The following PRKAG2 variants were observed in gnomAD, a reference collection of about 807,000 sequenced individuals.
The protein encoded by PRKAG2 is 5'-AMP-activated protein kinase subunit gamma-2.
A neutral mutation model predicts 69.6 loss-of-function variants in PRKAG2; 26 were observed. That is an observed-to-expected ratio of 0.37 (90% CI 0.27 to 0.52). The LOEUF (loss-of-function observed/expected upper bound fraction) is 0.52. Ranked by LOEUF, PRKAG2 falls within the 20% of genes least tolerant of loss-of-function variation. The probability of loss-of-function intolerance (pLI) is 0.90; values close to 1 mark genes in which losing one functional copy is unlikely to be tolerated. For synonymous variants in PRKAG2, 293 were observed against 285.0 expected, an observed-to-expected ratio of 1.03 and a Z score of -0.28; for missense variants, 557 against 740.0, an observed-to-expected ratio of 0.75 and a Z score of 2.87.
intron 5 of PRKAG2, among the ~76,000 whole-genome samples, chr7:151,598,119 T>C (rs1352494462): frequency 6.6e-6 from 1 of 152,158 alleles, no homozygotes; most frequent in East Asian, 1.9e-4. Context: ...TGGAGTACTA[T>C]TCAACCATAA....
At chr7:151,579,410 A>T (rs1769509851) in intron 6 of PRKAG2, among the ~76,000 whole-genome samples, 1 of 152,248 alleles carries the variant, frequency 6.6e-6, no homozygotes, top group South Asian at 2.1e-4. Flanking sequence ...AACATTCATG[A>T]GGATCATTCA....
At chr7:151,859,530 G>T (rs1392517308) in intron 1 of PRKAG2, among the ~76,000 whole-genome samples, 1 of 152,226 alleles carries the variant, frequency 6.6e-6, no homozygotes, top group Non-Finnish European at 1.5e-5. Flanking sequence ...AGGGCCATGG[G>T]ATTAGCGAAT....
chr7:151,776,253 C>T (rs1358418812), intron 3 of PRKAG2, among the ~76,000 whole-genome samples: 1 of 152,212 alleles, frequency 6.6e-6, no homozygotes, highest in African/African-American at 2.4e-5. Flanking sequence ...GCCCCCACCC[C>T]AACCTAATCA....
intron 3 of PRKAG2, among the ~76,000 whole-genome samples, chr7:151,751,546 T>C (rs2074693236): frequency 6.6e-6 from 1 of 152,114 alleles, no homozygotes. Flanking sequence ...TCTCGCTTTG[T>C]CGCCCAGACT....
chr7:151,563,873 T>C (rs1805637312), intron 14 of PRKAG2, among the ~76,000 whole-genome samples: 1 of 152,250 alleles, frequency 6.6e-6, no homozygotes. Flanking sequence ...GACTTTTCCA[T>C]TCAATTCAAT....
intron 5 of PRKAG2, among the ~76,000 whole-genome samples, chr7:151,615,300 C>T (rs953999514): frequency 2.0e-5 from 3 of 152,172 alleles, no homozygotes; most frequent in Non-Finnish European, 4.4e-5. Context: ...AGTTTGATTC[C>T]ATGTCTTTGC....
chr7:151,790,943 G>A lies in PRKAG2; in HGVS notation c.115-4402C>T, dbSNP rs377294220. On this transcript the variant is annotated intron_variant, in intron 1 of 15. Transcript: ENST00000287878. The stretch of plus-strand genomic sequence containing the variant: ...GGCCTGCTGCTAGCTCAGGCTGCCC[G>A]TGGACCCCAGGCGGCTGCCCGGAGT... Among the ~76,000 whole-genome samples, 4 of 152,350 alleles carry A rather than the reference G, an allele frequency of 2.6e-5. No individual in the cohort carries two copies. In the East Asian group the frequency reaches 7.7e-4, roughly 29 times the overall value.
chr7:151,745,259 C>T (rs908649973), intron 3 of PRKAG2, among the ~76,000 whole-genome samples: 11 of 152,224 alleles, frequency 7.2e-5, no homozygotes, highest in Non-Finnish European at 1.5e-4. Context: ...GGGCACGGGT[C>T]CCCTCCGCGC....
rs192643736 is a variant in PRKAG2, at chr7:151,630,297, A to T, written c.754+1772T>A. Reference sequence around the variant, plus strand: ...AAATTAATAAATCTCAAGTAAGAAGAAGAAAAGGGACAGGACACCAAATCT... The same window carrying T: ...AAATTAATAAATCTCAAGTAAGAAGTAGAAAAGGGACAGGACACCAAATCT... On this transcript the variant is annotated intron_variant, in intron 5 of 15. Transcript: ENST00000287878. Among the ~76,000 whole-genome samples, 208 of 152,346 alleles carry T rather than the reference A, an allele frequency of 1.4e-3. 1 individual carries two copies. Among genetic ancestry groups the T allele is most frequent in the African/African-American group, 4.7e-3 (195 of 41,576 alleles).
chr7:151,876,248 G>A (rs545335754), intron 1 of PRKAG2, among the ~76,000 whole-genome samples: 1 of 151,710 alleles, frequency 6.6e-6, no homozygotes, highest in Non-Finnish European at 1.5e-5. Flanking sequence ...CGCGCCCGGC[G>A]CCCCCTCTAG....
intron 3 of PRKAG2, among the ~76,000 whole-genome samples, chr7:151,714,151 G>A (rs1188693307): frequency 6.6e-6 from 1 of 152,062 alleles, no homozygotes; most frequent in Non-Finnish European, 1.5e-5. Flanking sequence ...CGGGCTTTAC[G>A]GGGTTGTCAT....
At position 151,742,680 on chromosome 7, in the gene PRKAG2, T is replaced by A. The variant is rs140438752; in HGVS notation, c.466+38472A>T. ...AGTCCTTATTTGCATTAAAGCCACCTCGCAACACAGACCAGACGAGTCAGG... is the reference window on the plus strand; with the variant it reads ...AGTCCTTATTTGCATTAAAGCCACCACGCAACACAGACCAGACGAGTCAGG... On this transcript the variant is annotated intron_variant, in intron 3 of 15. Coordinates refer to ENST00000287878, the MANE Select transcript of PRKAG2 (RefSeq NM_016203.4). Among the ~76,000 whole-genome samples the A allele has an allele frequency of 2.8e-4, 42 of 151,924 alleles. No individual in the cohort carries two copies. The East Asian group carries it at 7.0e-3, about 25-fold the overall frequency.
intron 5 of PRKAG2, among the ~76,000 whole-genome samples, chr7:151,608,390 G>T (rs1046143124): frequency 6.6e-6 from 1 of 152,194 alleles, no homozygotes; most frequent in African/African-American, 2.4e-5. Flanking sequence ...GGAATTAACT[G>T]CTCCAGTTTT....
chr7:151,566,216 C>T (rs943052204), intron 11 of PRKAG2, among the ~76,000 whole-genome samples: 1 of 152,168 alleles, frequency 6.6e-6, no homozygotes, highest in Non-Finnish European at 1.5e-5. Flanking sequence ...CTGTAAGCCA[C>T]GAAGAATTGA....
chr7:151,784,663 G>A (rs1419209266), intron 2 of PRKAG2, among the ~76,000 whole-genome samples: 4 of 152,190 alleles, frequency 2.6e-5, no homozygotes, highest in Non-Finnish European at 5.9e-5. Flanking sequence ...TGAGCCATGA[G>A]CCCCTGGAGA....
intron 1 of PRKAG2, among the ~76,000 whole-genome samples, chr7:151,802,533 C>T (rs956433483): frequency 7.5e-5 from 11 of 146,036 alleles, no homozygotes; most frequent in East Asian, 2.0e-4. Context: ...ATACTCCCCA[C>T]GGCCCACCTG....
chr7:151,640,902 T>C (rs190158254), intron 4 of PRKAG2, among the ~76,000 whole-genome samples: 1 of 152,380 alleles, frequency 6.6e-6, no homozygotes, highest in East Asian at 1.9e-4. Flanking sequence ...AATGAATTGT[T>C]CATTCAGACA....
chr7:151,814,722 G>C lies in PRKAG2; in HGVS notation c.115-28181C>G. ...AACAAGCGGCTGGCAGACAGCATGG[G>C]CTGGCCTAAGACAGCGCAGGCAACG... On this transcript the variant is annotated intron_variant, in intron 1 of 15. Coordinates refer to ENST00000287878, the MANE Select transcript of PRKAG2 (RefSeq NM_016203.4). This position sits in a 1 kb window ranked among gnomAD's most constrained non-coding sequence, Gnocchi z 4.8. 8.1e-7 allele frequency: 1 copy of C among 1,231,812 alleles called. No homozygotes were observed. Among genetic ancestry groups the C allele is most frequent in the Middle Eastern group, 3.1e-4 (1 of 3,210 alleles). The allele number at this position is 1,231,812 out of a possible 1,614,324, so 76.3% of individuals were successfully genotyped here.
intron 3 of PRKAG2, among the ~76,000 whole-genome samples, chr7:151,738,555 C>T (rs915533022): frequency 1.3e-5 from 2 of 152,280 alleles, no homozygotes; most frequent in Non-Finnish European, 2.9e-5. Context: ...CTGCCCAGGG[C>T]GGAAAACCGC....
Sources: gnomAD v4.1 joint callset for allele counts (sites outside exome capture counted in the v4.1 genomes callset) on GRCh38, gnomAD v4.1.1 for gene constraint, Gnocchi (gnomAD v3.1) non-coding constraint, MANE v1.5 for transcripts, NCBI Gene and HGNC (gene_info 2026-07-23, HGNC 2026-07-21) for gene names.